The following XKR6 variants were observed in gnomAD, a reference collection of about 807,000 sequenced individuals.
XKR6 encodes the protein XK-related protein 6.
A neutral mutation model predicts 56.7 loss-of-function variants in XKR6; 22 were observed. The observed-to-expected ratio is 0.39, with a 90% confidence interval of 0.28 to 0.55. The LOEUF (loss-of-function observed/expected upper bound fraction) is 0.55. Among genes scored for constraint, XKR6 ranks in the 20% least tolerant of loss-of-function variants. The pLI is 0.66. For missense variants in XKR6, 852 were observed against 889.0 expected, an observed-to-expected ratio of 0.96 and a Z score of 0.53; for synonymous variants, 524 against 387.8, an observed-to-expected ratio of 1.35 and a Z score of -4.13.
chr8:10,960,955 GC>G (rs1802041885), intron 1 of XKR6, among the ~76,000 whole-genome samples: 1 of 152,166 alleles, frequency 6.6e-6, no homozygotes, highest in African/African-American at 2.4e-5. Flanking sequence ...GGAAGACCGG[GC>G]TAGACTGGCT....
At chr8:11,160,343 G>A (rs1464696529) in intron 1 of XKR6, among the ~76,000 whole-genome samples, 1 of 151,990 alleles carries the variant, frequency 6.6e-6, no homozygotes, top group Non-Finnish European at 1.5e-5. Flanking sequence ...ATATACAGAT[G>A]ATGGACAGGA....
intron 1 of XKR6, among the ~76,000 whole-genome samples, chr8:11,146,012 C>A (rs762118116): frequency 6.6e-6 from 1 of 151,784 alleles, no homozygotes; most frequent in Non-Finnish European, 1.5e-5. Context: ...GACAATGGAA[C>A]AGAATCAAGC....
intron 1 of XKR6, among the ~76,000 whole-genome samples, chr8:11,117,403 A>G (rs947099298): frequency 3.9e-5 from 6 of 152,188 alleles, no homozygotes; most frequent in Admixed American, 1.3e-4. Flanking sequence ...CACCCTAAAC[A>G]CAACACATTT....
chr8:11,134,638 A>C (rs1800288436), intron 1 of XKR6, among the ~76,000 whole-genome samples: 1 of 152,038 alleles, frequency 6.6e-6, no homozygotes, highest in Admixed American at 6.6e-5. Context: ...GGTTCTTTTT[A>C]CTGTGAGTTG....
intron 1 of XKR6, among the ~76,000 whole-genome samples, chr8:10,944,696 C>A (rs978155449): frequency 6.6e-6 from 1 of 152,190 alleles, no homozygotes; most frequent in Admixed American, 6.5e-5. Flanking sequence ...CTCCGAGAAA[C>A]TTCTATGCTC....
intron 1 of XKR6, among the ~76,000 whole-genome samples, chr8:11,103,597 G>T (rs1175897070): frequency 1.3e-5 from 2 of 152,162 alleles, no homozygotes; most frequent in South Asian, 2.1e-4. Flanking sequence ...GCTGTAAAGG[G>T]TCACTGAGAA....
intron 1 of XKR6, among the ~76,000 whole-genome samples, chr8:10,991,407 T>C (rs1372161902): frequency 6.6e-6 from 1 of 152,188 alleles, no homozygotes; most frequent in Non-Finnish European, 1.5e-5. Flanking sequence ...TCTTCCTTGC[T>C]TACTTGGTTA....
intron 1 of XKR6, among the ~76,000 whole-genome samples, chr8:11,047,915 G>C (rs940814745): frequency 1.3e-5 from 2 of 152,170 alleles, no homozygotes; most frequent in Admixed American, 1.3e-4. Flanking sequence ...TCTGATTAGT[G>C]TTGAAAGTCC....
intron 1 of XKR6, among the ~76,000 whole-genome samples, chr8:10,988,973 A>G (rs1441723983): frequency 6.6e-6 from 1 of 152,230 alleles, no homozygotes; most frequent in African/African-American, 2.4e-5. Flanking sequence ...GACACATAAA[A>G]TACTTGCTTG....
chr8:11,085,195 C>A (rs904598792), intron 1 of XKR6, among the ~76,000 whole-genome samples: 2 of 152,216 alleles, frequency 1.3e-5, no homozygotes. Context: ...GGGCATCACA[C>A]AGACTTCCTC....
At chr8:11,162,312 T>A (rs1242262152) in intron 1 of XKR6, among the ~76,000 whole-genome samples, 1 of 151,986 alleles carries the variant, frequency 6.6e-6, no homozygotes, top group Non-Finnish European at 1.5e-5. Context: ...AAAGCCGCCT[T>A]CTCCCCCTTG....
intron 1 of XKR6, among the ~76,000 whole-genome samples, chr8:11,150,771 T>A (rs1335718839): frequency 6.8e-6 from 1 of 147,494 alleles, no homozygotes; most frequent in Non-Finnish European, 1.5e-5. Flanking sequence ...AAGAGTCGCT[T>A]GAGGCCGGGA....
rs957339533 is a variant in XKR6, at chr8:11,200,653, C to A, written c.687G>T (p.Gly229=). ...CGGAGAGGCGACACAGGCGCTGCGCCCCCGGCGTGGGGGAGACCCTCACGC... is the reference window on the plus strand; with the variant it reads ...CGGAGAGGCGACACAGGCGCTGCGCACCCGGCGTGGGGGAGACCCTCACGC... ...GPGVRVSPTP[G]AQRLCRLSVW... Residue 229 remains glycine, a synonymous_variant, in exon 1 of 3, where the codon GGG becomes GGT. Transcript: ENST00000416569. This position sits in a 1 kb window ranked among gnomAD's most constrained non-coding sequence, Gnocchi z 6.4. 1.3e-6 allele frequency: 2 copies of A among 1,553,342 alleles called. No individual in the cohort carries two copies. Among genetic ancestry groups the A allele is most frequent in the African/African-American group, 1.4e-5 (1 of 69,602 alleles).
At chr8:11,026,439 TTAGA>T (rs1798865872) in intron 1 of XKR6, among the ~76,000 whole-genome samples, 2 of 88,594 alleles carry the variant, frequency 2.3e-5, no homozygotes, top group South Asian at 6.8e-4. Context: ...TACTACACAC[TTAGA>T]TAGTCTAGCC....
intron 1 of XKR6, among the ~76,000 whole-genome samples, chr8:11,197,757 T>C (rs1254222082): frequency 1.3e-5 from 2 of 151,568 alleles, no homozygotes; most frequent in African/African-American, 2.4e-5. Flanking sequence ...TTACATTCTG[T>C]AAAGTTATTT....
chr8:11,099,698 C>T (rs577502117), intron 1 of XKR6, among the ~76,000 whole-genome samples: 4 of 152,236 alleles, frequency 2.6e-5, no homozygotes, highest in Admixed American at 6.5e-5. Context: ...GTGTCTCACG[C>T]ATTGTTCTAG....
At chr8:11,195,259 A>G (rs1199120284) in intron 1 of XKR6, 1 of 689,596 alleles carries the variant, frequency 1.5e-6, no homozygotes, top group Admixed American at 2.1e-5. Context: ...TAGTGTTTTT[A>G]CAGTTTAACA....
At chr8:11,068,668 G>A (rs1473531662) in intron 1 of XKR6, among the ~76,000 whole-genome samples, 1 of 152,124 alleles carries the variant, frequency 6.6e-6, no homozygotes, top group Admixed American at 6.5e-5. Context: ...TCTGCACACA[G>A]CCTGCCCACC....
intron 1 of XKR6, among the ~76,000 whole-genome samples, chr8:11,021,424 C>A (rs1343347432): frequency 6.6e-6 from 1 of 152,136 alleles, no homozygotes; most frequent in African/African-American, 2.4e-5. Flanking sequence ...ATGTATAAAC[C>A]CATGGACAGA....
Sources: gnomAD v4.1 joint callset for allele counts (sites outside exome capture counted in the v4.1 genomes callset) on GRCh38, gnomAD v4.1.1 for gene constraint, Gnocchi (gnomAD v3.1) non-coding constraint, MANE v1.5 for transcripts, NCBI Gene and HGNC (gene_info 2026-07-23, HGNC 2026-07-21) for gene names.